The following OSBPL10 variants were observed in gnomAD, a reference collection of about 807,000 sequenced individuals.
OSBPL10 encodes oxysterol-binding protein-related protein 10.
A neutral mutation model predicts 81.7 loss-of-function variants in OSBPL10; 49 were observed. That is an observed-to-expected ratio of 0.60 (90% confidence interval 0.48 to 0.76). The LOEUF (loss-of-function observed/expected upper bound fraction) is 0.76. Among genes scored for constraint, OSBPL10 ranks in the 30% least tolerant of loss-of-function variants. The pLI, the probability that OSBPL10 is intolerant of heterozygous loss-of-function variation, is 0.00. For missense variants in OSBPL10, 923 were observed against 987.8 expected (o/e 0.93, Z 0.88); for synonymous variants, 419 against 383.6 (o/e 1.09, Z -1.08).
At chr3:31,684,730 GCAAA>G (rs1195005294) in intron 7 of OSBPL10, among the ~76,000 whole-genome samples, 1 of 152,228 alleles carries the variant, frequency 6.6e-6, no homozygotes, top group Non-Finnish European at 1.5e-5. Context: ...CCATCAGCAG[GCAAA>G]TATCCACAGA....
chr3:31,887,127 G>C (rs1193362688), intron 1 of OSBPL10, among the ~76,000 whole-genome samples: 1 of 152,076 alleles, frequency 6.6e-6, no homozygotes. Context: ...AAGCTGGAAG[G>C]AGCAGTTCTT....
At chr3:31,842,231 A>T (rs1189291316) in intron 3 of OSBPL10, among the ~76,000 whole-genome samples, 1 of 152,248 alleles carries the variant, frequency 6.6e-6, no homozygotes, top group Non-Finnish European at 1.5e-5. Context: ...TGTTTTGATT[A>T]AGGAATGATG....
chr3:32,028,926 G>GCA (rs201594298), intron 2 of OSBPL10, among the ~76,000 whole-genome samples: 1 of 67,210 alleles, frequency 1.5e-5, no homozygotes, highest in Non-Finnish European at 3.0e-5. Context: ...TAGCTAGTCA[G>GCA]GACACACACA....
At chr3:31,979,966 A>G (rs1036117812) in intron 1 of OSBPL10, among the ~76,000 whole-genome samples, 1 of 150,998 alleles carries the variant, frequency 6.6e-6, no homozygotes, top group African/African-American at 2.4e-5. Context: ...GGGGGAGGGT[A>G]TTTTTTCTTT....
intron 9 of OSBPL10, among the ~76,000 whole-genome samples, chr3:31,669,360 C>T (rs1700271205): frequency 6.6e-6 from 1 of 152,134 alleles, no homozygotes; most frequent in Admixed American, 6.5e-5. Context: ...AATAATGCTA[C>T]ATTTTAACCC....
At chr3:31,871,591 C>T (rs1701327105) in intron 3 of OSBPL10, among the ~76,000 whole-genome samples, 1 of 152,224 alleles carries the variant, frequency 6.6e-6, no homozygotes, top group Non-Finnish European at 1.5e-5. Flanking sequence ...CTACAAGAAG[C>T]CAGGCTCAGT....
chr3:31,935,641 A>C (rs1697364721), intron 1 of OSBPL10, among the ~76,000 whole-genome samples: 1 of 151,464 alleles, frequency 6.6e-6, no homozygotes, highest in Admixed American at 6.6e-5. Flanking sequence ...CTCCTGCCTC[A>C]GCCTCCCAAG....
rs1700250557 is a variant in OSBPL10 at position 31,668,535 on chromosome 3, T to TG, written c.2096+106dup. ...AAAGAAGCCAGTAGAACATGATTCC[T>TG]GGCCTGTTTCCAGTCGCTAAGTTTC... On this transcript the variant is annotated intron_variant, in intron 10 of 11. Transcript: ENST00000396556. 10 of 1,053,980 alleles carry TG rather than the reference T, an allele frequency of 9.5e-6. No homozygotes were observed. The Middle Eastern group carries it at 1.1e-3, about 121-fold the overall frequency. The allele number at this position is 1,053,980 out of a possible 1,614,324, so 65.3% of individuals were successfully genotyped here.
intron 4 of OSBPL10, among the ~76,000 whole-genome samples, chr3:31,760,757 A>G (rs1698009195): frequency 6.6e-6 from 1 of 152,230 alleles, no homozygotes; most frequent in African/African-American, 2.4e-5. Flanking sequence ...TACCATGTCA[A>G]TAAATTTCTA....
At chr3:32,005,922 TTTA>T (rs1281337043) in intron 2 of OSBPL10, among the ~76,000 whole-genome samples, 1 of 151,384 alleles carries the variant, frequency 6.6e-6, no homozygotes, top group Non-Finnish European at 1.5e-5. Context: ...CTTGTTTTAC[TTTA>T]TTTATTTATT....
intron 1 of OSBPL10, among the ~76,000 whole-genome samples, chr3:31,899,185 G>A (rs1043092092): frequency 8.6e-5 from 13 of 151,884 alleles, no homozygotes; most frequent in Admixed American, 1.3e-4. Flanking sequence ...CAGGCAATCC[G>A]CCCATCTCGG....
chr3:31,692,130 A>T (rs1016002539), intron 7 of OSBPL10, among the ~76,000 whole-genome samples: 1 of 152,168 alleles, frequency 6.6e-6, no homozygotes, highest in African/African-American at 2.4e-5. Context: ...TGTTGAAGTT[A>T]ATCCCTGTGT....
At chr3:31,884,060 T>C (rs1173018421) in intron 1 of OSBPL10, among the ~76,000 whole-genome samples, 1 of 152,184 alleles carries the variant, frequency 6.6e-6, no homozygotes, top group Non-Finnish European at 1.5e-5. Context: ...TTCAAACAAA[T>C]AACTATATAA....
intron 1 of OSBPL10, among the ~76,000 whole-genome samples, chr3:31,917,220 T>C (rs7653495): frequency 0.38 from 58,012 of 152,010 alleles, 12,647 homozygotes; most frequent in Non-Finnish European, 0.5. Context: ...TCATGTGAGG[T>C]GGGGCCAAGG....
intron 3 of OSBPL10, among the ~76,000 whole-genome samples, chr3:31,845,043 C>T (rs1700595021): frequency 6.6e-6 from 1 of 152,224 alleles, no homozygotes; most frequent in Non-Finnish European, 1.5e-5. Context: ...GTTTGTGCCA[C>T]TGCACTCCAG....
intron 1 of OSBPL10, among the ~76,000 whole-genome samples, chr3:31,934,896 G>T (rs771289638): frequency 6.6e-6 from 1 of 152,052 alleles, no homozygotes. Flanking sequence ...TTAAACAATC[G>T]GGGCTCTATT....
chr3:31,868,003 G>A (rs1413216726), intron 3 of OSBPL10, among the ~76,000 whole-genome samples: 1 of 151,944 alleles, frequency 6.6e-6, no homozygotes, highest in African/African-American at 2.4e-5. Context: ...TCACAGAGAT[G>A]TAAACTGCCC....
intron 1 of OSBPL10, among the ~76,000 whole-genome samples, chr3:31,881,677 C>T (rs557401597): frequency 6.6e-6 from 1 of 152,246 alleles, no homozygotes; most frequent in East Asian, 1.9e-4. Flanking sequence ...AAATATTTTT[C>T]TTTCAATTGA....
intron 7 of OSBPL10, 117 bp from the exon 8 acceptor site, chr3:31,684,231 C>G: frequency 2.2e-6 from 3 of 1,385,488 alleles, no homozygotes; most frequent in Non-Finnish European, 2.9e-6. Flanking sequence ...AGCCAGGGAG[C>G]AGTCTGTTTT....
Sources: gnomAD v4.1 joint callset for allele counts (sites outside exome capture counted in the v4.1 genomes callset) on GRCh38, gnomAD v4.1.1 for gene constraint, MANE v1.5 for transcripts, NCBI Gene and HGNC (gene_info 2026-07-23, HGNC 2026-07-21) for gene names.